LRRTM4: variants seen among roughly 807,000 people sequenced by gnomAD.
LRRTM4 encodes leucine-rich repeat transmembrane neuronal protein 4.
In LRRTM4, 25 loss-of-function variants were observed where a neutral mutation model predicts 47.6. That is an observed-to-expected ratio of 0.53 (90% CI 0.38 to 0.73). LRRTM4 has a LOEUF of 0.73. LRRTM4 is among the 30% of genes least tolerant of loss of function. The pLI, the probability that LRRTM4 is intolerant of heterozygous loss-of-function variation, is 0.00. For synonymous variants in LRRTM4, 311 were observed against 269.5 expected (o/e 1.15, Z -1.51); for missense variants, 638 against 713.4 (o/e 0.89, Z 1.20).
At chr2:77,151,371 C>A (rs1672425849) in intron 3 of LRRTM4, among the ~76,000 whole-genome samples, 1 of 152,080 alleles carries the variant, frequency 6.6e-6, no homozygotes, top group African/African-American at 2.4e-5. Context: ...TTTACTAATT[C>A]TATAAGTTTG....
At chr2:77,074,522 TA>T (rs1397840059) in intron 3 of LRRTM4, among the ~76,000 whole-genome samples, 23 of 152,086 alleles carry the variant, frequency 1.5e-4, no homozygotes, top group Non-Finnish European at 2.5e-4. Context: ...AAGCTTATGG[TA>T]CTCTATTTCT....
intron 3 of LRRTM4, among the ~76,000 whole-genome samples, chr2:77,044,680 C>G (rs980085132): frequency 6.6e-6 from 1 of 151,386 alleles, no homozygotes; most frequent in Non-Finnish European, 1.5e-5. Context: ...CATATACACA[C>G]ATATTACAAA....
chr2:77,159,661 A>G (rs1672656904), intron 3 of LRRTM4, among the ~76,000 whole-genome samples: 1 of 151,992 alleles, frequency 6.6e-6, no homozygotes, highest in Non-Finnish European at 1.5e-5. Context: ...GAGGAGAAAT[A>G]GGAGGGTTTG....
At chr2:77,249,102 C>G (rs1022759120) in intron 3 of LRRTM4, among the ~76,000 whole-genome samples, 1 of 151,960 alleles carries the variant, frequency 6.6e-6, no homozygotes, top group Admixed American at 6.6e-5. Flanking sequence ...TTAATCCTAG[C>G]ACTTTGGGAG....
chr2:77,282,533 C>G (rs1676535068), intron 3 of LRRTM4, among the ~76,000 whole-genome samples: 1 of 151,210 alleles, frequency 6.6e-6, no homozygotes, highest in African/African-American at 2.4e-5. Flanking sequence ...GAAAAAGAGC[C>G]AAATCAATCC....
chr2:77,340,841 C>T (rs1671346905), intron 3 of LRRTM4, among the ~76,000 whole-genome samples: 2 of 151,784 alleles, frequency 1.3e-5, no homozygotes, highest in Non-Finnish European at 1.5e-5. Context: ...ATCTAAATTT[C>T]AAAGTAAAGA....
chr2:77,048,756 T>C (rs1216741730), intron 3 of LRRTM4, among the ~76,000 whole-genome samples: 1 of 151,880 alleles, frequency 6.6e-6, no homozygotes, highest in East Asian at 1.9e-4. Context: ...TCATTTATTG[T>C]TTCTTTGTGT....
chr2:76,937,610 C>T (rs1573339189), intron 3 of LRRTM4, among the ~76,000 whole-genome samples: 1 of 152,132 alleles, frequency 6.6e-6, no homozygotes, highest in East Asian at 1.9e-4. Context: ...GCTCTGTCAC[C>T]CAGGCTGGAG....
intron 3 of LRRTM4, among the ~76,000 whole-genome samples, chr2:77,392,758 A>G (rs762144796): frequency 3.3e-5 from 5 of 151,996 alleles, no homozygotes; most frequent in Non-Finnish European, 7.4e-5. Flanking sequence ...AGGACACAAA[A>G]TTTCAGTTAC....
chr2:77,190,328 T>C (rs1335876176), intron 3 of LRRTM4, among the ~76,000 whole-genome samples: 2 of 148,726 alleles, frequency 1.3e-5, no homozygotes, highest in Non-Finnish European at 3.0e-5. Flanking sequence ...GGAGTTTCAC[T>C]GTTGTCACCC....
intron 3 of LRRTM4, among the ~76,000 whole-genome samples, chr2:77,493,399 G>C (rs1678244567): frequency 6.6e-6 from 1 of 151,814 alleles, no homozygotes; most frequent in Non-Finnish European, 1.5e-5. Flanking sequence ...CAAACTTCTG[G>C]AAAGTAAAAC....
At chr2:77,073,342 C>G (rs1467743154) in intron 3 of LRRTM4, among the ~76,000 whole-genome samples, 1 of 151,930 alleles carries the variant, frequency 6.6e-6, no homozygotes, top group African/African-American at 2.4e-5. Flanking sequence ...TAAATACTAT[C>G]CAATTCTTCT....
At chr2:77,388,663 G>A (rs975430392) in intron 3 of LRRTM4, among the ~76,000 whole-genome samples, 9 of 152,024 alleles carry the variant, frequency 5.9e-5, no homozygotes, top group African/African-American at 2.2e-4. Context: ...TCAGTTTGGT[G>A]TAAATTATAT....
chr2:76,783,524 T>C (rs950284859), intron 3 of LRRTM4, among the ~76,000 whole-genome samples: 2 of 152,164 alleles, frequency 1.3e-5, no homozygotes, highest in South Asian at 4.2e-4. Context: ...CTGTACCTAT[T>C]AAGGCGTAAC....
At chr2:77,492,174 A>C (rs1044475886) in intron 3 of LRRTM4, among the ~76,000 whole-genome samples, 3 of 152,150 alleles carry the variant, frequency 2.0e-5, no homozygotes, top group Non-Finnish European at 2.9e-5. Flanking sequence ...AATATTAGAA[A>C]ATTTTTTAAG....
intron 3 of LRRTM4, among the ~76,000 whole-genome samples, chr2:76,916,332 C>G (rs534205085): frequency 2.7e-4 from 37 of 135,442 alleles, no homozygotes; most frequent in African/African-American, 9.5e-4. Flanking sequence ...TTGCAGTCAG[C>G]AGCGATCGTG....
At chr2:77,073,629 A>T (rs1680236392) in intron 3 of LRRTM4, among the ~76,000 whole-genome samples, 1 of 150,168 alleles carries the variant, frequency 6.7e-6, no homozygotes, top group South Asian at 2.1e-4. Flanking sequence ...CTGAATTTTC[A>T]TTTTTTCCAT....
intron 3 of LRRTM4, among the ~76,000 whole-genome samples, chr2:77,070,900 G>A (rs962069664): frequency 3.3e-5 from 5 of 152,138 alleles, no homozygotes; most frequent in African/African-American, 9.7e-5. Context: ...TTACAGGTGT[G>A]AGCCACTGTG....
Position 76,947,495 on chromosome 2 carries a change from T to C in LRRTM4, c.1552-198579A>G, listed in dbSNP as rs190302918. Among the ~76,000 whole-genome samples the C allele has an allele frequency of 5.9e-5, 9 of 152,026 alleles. No homozygotes were observed. The East Asian group carries it at 1.7e-3, about 29-fold the overall frequency. Reference sequence around the variant, plus strand: ...GTGAAGCTCTGTTTTATTAATATCATATAAAATAAAATATTTGTGTTATTT... The same window carrying C: ...GTGAAGCTCTGTTTTATTAATATCACATAAAATAAAATATTTGTGTTATTT... On this transcript the variant is annotated intron_variant, in intron 3 of 3. Coordinates refer to ENST00000409884, the MANE Select transcript of LRRTM4 (RefSeq NM_001134745.3).
Sources: allele counts gnomAD v4.1 joint callset (sites outside exome capture counted in the v4.1 genomes callset), GRCh38; gene constraint gnomAD v4.1.1; transcripts MANE v1.5; gene names NCBI Gene and HGNC (gene_info 2026-07-23, HGNC 2026-07-21).